Variants in KCNH5 observed in about 807,000 individuals in gnomAD.
The protein encoded by KCNH5 is voltage-gated delayed rectifier potassium channel KCNH5.
Under a neutral mutation model 96.1 loss-of-function variants are expected in KCNH5, and 46 were observed. The ratio of observed to expected loss-of-function variants is 0.48; its 90% CI spans 0.38 to 0.61. The LOEUF (loss-of-function observed/expected upper bound fraction) is 0.61, where lower values mean the gene tolerates loss of function less well. KCNH5 is among the 20% of genes least tolerant of loss of function. The pLI, the probability that KCNH5 is intolerant of heterozygous loss-of-function variation, is 0.00. For missense variants in KCNH5, 907 were observed against 1,225.8 expected (o/e 0.74, Z 3.88); for synonymous variants, 439 against 449.8 (o/e 0.98, Z 0.30).
intron 6 of KCNH5, among the ~76,000 whole-genome samples, chr14:62,962,067 GATGGAA>G (rs1007010251): frequency 4.0e-4 from 61 of 151,892 alleles, no homozygotes; most frequent in African/African-American, 1.4e-3. Flanking sequence ...AGAAGATAGA[GATGGAA>G]ATGGAGATGG....
chr14:62,801,951 G>A (rs959814442), intron 9 of KCNH5, among the ~76,000 whole-genome samples: 4 of 152,062 alleles, frequency 2.6e-5, no homozygotes, highest in Non-Finnish European at 2.9e-5. Flanking sequence ...TAAAGAAAAG[G>A]GTTGAACTAG....
intron 6 of KCNH5, among the ~76,000 whole-genome samples, chr14:62,967,382 C>T (rs2139552146): frequency 6.6e-6 from 1 of 151,948 alleles, no homozygotes; most frequent in South Asian, 2.1e-4. Context: ...ATGCCCAGCC[C>T]TTTTTTTCTA....
intron 6 of KCNH5, among the ~76,000 whole-genome samples, chr14:62,969,995 G>A (rs374333518): frequency 6.9e-5 from 9 of 130,412 alleles, no homozygotes; most frequent in Admixed American, 2.6e-4. Context: ...CTGAGACTGC[G>A]CCACTGCACT....
rs185898395 is a variant in KCNH5 at position 62,774,258 on chromosome 14, C to A, written c.2019+5470G>T. Among the ~76,000 whole-genome samples the A allele has an allele frequency of 4.1e-4, 53 of 128,770 alleles. 1 individual carries two copies. The highest frequency in any genetic ancestry group is 1.5e-3 in the South Asian group (6 of 3,920). The allele number at this position is 128,770 out of a possible 152,430, so 84.5% of individuals were successfully genotyped here. A position where few individuals can be genotyped will look rare whatever the true frequency, so the allele number is the denominator to read the frequency against. On this transcript the variant is annotated intron_variant, in intron 10 of 10. Transcript: ENST00000322893. ...GGAGATGGTCACAAAGGCATCTTTT[C>A]CTGACATATGCCAAAATTCCACACT...
Position 62,707,730 on chromosome 14 carries a change from G to A in KCNH5, c.2745C>T (p.His915=), listed in dbSNP as rs138093802. 8.1e-6 allele frequency: 13 copies of A among 1,610,196 alleles called. No individual in the cohort carries two copies. The highest frequency in any genetic ancestry group is 2.7e-5 in the African/African-American group (2 of 74,838). Residue 915 remains histidine, a synonymous_variant, in exon 11 of 11, where the codon CAC becomes CAT. Coordinates refer to ENST00000322893, the MANE Select transcript of KCNH5 (RefSeq NM_139318.5). ...GCAGCTGGATGTCCTCTTTGAGTTC[G>A]TGTTTGACTTCCTGCAGTGTGGTCT... ...ALQTTLQEVK[H]ELKEDIQLLS...
intron 8 of KCNH5, among the ~76,000 whole-genome samples, chr14:62,832,808 T>C (rs1887383195): frequency 6.6e-6 from 1 of 152,182 alleles, no homozygotes; most frequent in African/African-American, 2.4e-5. Context: ...TCCTGGCAGT[T>C]GACAGGTAAT....
intron 1 of KCNH5, among the ~76,000 whole-genome samples, chr14:63,019,703 A>G (rs562935052): frequency 6.6e-6 from 1 of 152,256 alleles, no homozygotes; most frequent in African/African-American, 2.4e-5. Flanking sequence ...AGATGTAAAT[A>G]TAAAAGGGAA....
At chr14:62,726,426 T>TA (rs1884926898) in intron 10 of KCNH5, among the ~76,000 whole-genome samples, 1 of 151,982 alleles carries the variant, frequency 6.6e-6, no homozygotes, top group Non-Finnish European at 1.5e-5. Context: ...CCAGAATCTA[T>TA]AAAAAATTGT....
chr14:62,995,878 AC>A (rs1890897135), intron 4 of KCNH5, among the ~76,000 whole-genome samples: 1 of 152,100 alleles, frequency 6.6e-6, no homozygotes, highest in Non-Finnish European at 1.5e-5. Flanking sequence ...TCATGCCTGT[AC>A]CATATTCCCA....
At chr14:62,887,633 T>C (rs1888623422) in intron 7 of KCNH5, among the ~76,000 whole-genome samples, 2 of 152,070 alleles carry the variant, frequency 1.3e-5, no homozygotes, top group Admixed American at 1.3e-4. Context: ...GAAAAAGCCT[T>C]GAAGCTGGGG....
intron 7 of KCNH5, among the ~76,000 whole-genome samples, chr14:62,857,236 C>T (rs1956011): frequency 0.64 from 97,479 of 151,848 alleles, 31,886 homozygotes; most frequent in East Asian, 0.88. Flanking sequence ...GTAACAAAGA[C>T]GGAAGAAATG....
chr14:62,736,673 T>A (rs547210075), intron 10 of KCNH5, among the ~76,000 whole-genome samples: 2 of 152,252 alleles, frequency 1.3e-5, no homozygotes, highest in African/African-American at 4.8e-5. Context: ...CACAGAAACA[T>A]TCCAAGCTTC....
At chr14:62,801,087 A>G (rs1886649809) in intron 9 of KCNH5, among the ~76,000 whole-genome samples, 1 of 152,124 alleles carries the variant, frequency 6.6e-6, no homozygotes, top group African/African-American at 2.4e-5. Context: ...CTGTTTCCCT[A>G]TGAAGGGTCA....
At chr14:62,843,910 C>A (rs1005433944) in intron 8 of KCNH5, among the ~76,000 whole-genome samples, 2 of 151,898 alleles carry the variant, frequency 1.3e-5, no homozygotes, top group East Asian at 3.9e-4. Flanking sequence ...ATTTAAACAT[C>A]ATTTCCCAAA....
intron 7 of KCNH5, among the ~76,000 whole-genome samples, chr14:62,877,819 A>G (rs564884337): frequency 2.0e-5 from 3 of 152,004 alleles, no homozygotes; most frequent in Admixed American, 1.3e-4. Context: ...TTGAAATACC[A>G]TTTGATCCAG....
chr14:62,891,456 T>C (rs955786636), intron 7 of KCNH5, among the ~76,000 whole-genome samples: 3 of 152,106 alleles, frequency 2.0e-5, no homozygotes, highest in African/African-American at 7.2e-5. Context: ...CTATTGGTAC[T>C]GGGCTTCATT....
intron 6 of KCNH5, 42 bp from the exon 7 acceptor site, chr14:62,950,601 G>GA (rs768311300): frequency 9.8e-4 from 1,335 of 1,368,900 alleles, no homozygotes; most frequent in East Asian, 1.3e-3. Context: ...ACATTTTCAG[G>GA]AAAAAAAAAG....
intron 7 of KCNH5, among the ~76,000 whole-genome samples, chr14:62,942,046 C>A (rs911739741): frequency 3.9e-5 from 6 of 152,168 alleles, no homozygotes; most frequent in Non-Finnish European, 7.4e-5. Context: ...GACAACTTTT[C>A]CTCTTAACCT....
At chr14:62,968,232 C>A (rs1890339376) in intron 6 of KCNH5, among the ~76,000 whole-genome samples, 1 of 152,220 alleles carries the variant, frequency 6.6e-6, no homozygotes. Flanking sequence ...GACTCTTACC[C>A]TTTCTCCAAA....
Sources: allele counts gnomAD v4.1 joint callset (sites outside exome capture counted in the v4.1 genomes callset), GRCh38; gene constraint gnomAD v4.1.1; transcripts MANE v1.5; gene names NCBI Gene and HGNC (gene_info 2026-07-23, HGNC 2026-07-21).